The following NOSTRIN variants were observed in gnomAD, a reference collection of about 807,000 sequenced individuals.
NOSTRIN encodes the protein BM247 homolog.
A neutral mutation model predicts 59.0 loss-of-function variants in NOSTRIN; 63 were observed. The observed-to-expected ratio is 1.07, with a 90% CI of 0.87 to 1.32. The LOEUF is 1.32. Ranked by LOEUF, NOSTRIN falls within the 40% of genes most tolerant of loss-of-function variation. The probability of loss-of-function intolerance (pLI) is 0.00; values close to 1 mark genes in which losing one functional copy is unlikely to be tolerated. For missense variants in NOSTRIN, 512 were observed against 473.1 expected (o/e 1.08, Z -0.76); for synonymous variants, 200 against 165.4 (o/e 1.21, Z -1.61).
rs529424492 is a variant in NOSTRIN at position 168,811,605 on chromosome 2, A to G, written c.66A>G (p.Gln22=). 2.3e-6 allele frequency: 2 copies of G among 863,878 alleles called. No homozygotes were observed. The highest frequency in any genetic ancestry group is 4.0e-6 in the Non-Finnish European group (2 of 498,598). The allele number at this position is 863,878 out of a possible 1,614,324, so 53.5% of individuals were successfully genotyped here. A position where few individuals can be genotyped will look rare whatever the true frequency, so the allele number is the denominator to read the frequency against. The change falls in exon 2 of 16, where the codon CAA becomes CAG. Residue 22 remains glutamine, a synonymous_variant. Transcript: ENST00000317647. The part of the protein sequence containing the change: ...KVYKNLKEFS[Q]NGENFCKQVT... Reference sequence around the variant, plus strand: ...ACAAGAACCTAAAGGAGTTTTCTCAAAATGGAGAGAATTTCTGCAAACAGG... The same window carrying G: ...ACAAGAACCTAAAGGAGTTTTCTCAGAATGGAGAGAATTTCTGCAAACAGG...
chr2:168,847,687 C>G (rs1010262278), intron 8 of NOSTRIN, among the ~76,000 whole-genome samples: 1 of 152,174 alleles, frequency 6.6e-6, no homozygotes, highest in African/African-American at 2.4e-5. Context: ...AACTCCTTGA[C>G]CACACTTTGT....
chr2:168,863,437 C>CAAAG, intron 15 of NOSTRIN: 5 of 985,056 alleles, frequency 5.1e-6, no homozygotes, highest in African/African-American at 1.7e-5. Context: ...AGAATGATGC[C>CAAAG]AAATAAAAAG....
intron 12 of NOSTRIN, among the ~76,000 whole-genome samples, chr2:168,857,637 T>C (rs533615136): frequency 6.6e-6 from 1 of 152,364 alleles, no homozygotes; most frequent in South Asian, 2.1e-4. Context: ...AATGAACAGA[T>C]ATATAGCACC....
At chr2:168,798,993 G>C (rs1280402747), upstream of NOSTRIN, among the ~76,000 whole-genome samples, 1 of 152,114 alleles carries the variant, frequency 6.6e-6, no homozygotes, top group Non-Finnish European at 1.5e-5. Context: ...TCATGTAAAG[G>C]CATCTTGTTC....
intron 12 of NOSTRIN, 46 bp from the exon 13 acceptor site, chr2:168,859,466 T>C (rs1307830384): frequency 3.1e-6 from 5 of 1,607,494 alleles, no homozygotes; most frequent in Admixed American, 3.4e-5. Flanking sequence ...CAGTTGTGCC[T>C]CATTTACTAG....
chr2:168,791,612 T>C lies in NOSTRIN; in HGVS notation c.-473+3564T>C, dbSNP rs1685355665. Among the ~76,000 whole-genome samples, 5 of 152,150 alleles carry C rather than the reference T, an allele frequency of 3.3e-5. No individual in the cohort carries two copies. The South Asian group carries it at 1.0e-3, about 32-fold the overall frequency. On this transcript the variant is annotated intron_variant, in intron 2 of 20. Coordinates refer to the NOSTRIN transcript ENST00000458381. ...AACTAGTTTACAGTCCCACCAACAG[T>C]GTAAAAGTGTTCCTATTTCTCCACA...
At chr2:168,859,072 C>G (rs2105785318) in intron 12 of NOSTRIN, 1 of 153,896 alleles carries the variant, frequency 6.5e-6, no homozygotes, top group East Asian at 1.9e-4. Flanking sequence ...AAAGAACAAA[C>G]AAACCTCACA....
At chr2:168,839,513 A>C (rs1161487828) in intron 7 of NOSTRIN, among the ~76,000 whole-genome samples, 1 of 152,166 alleles carries the variant, frequency 6.6e-6, no homozygotes, top group Non-Finnish European at 1.5e-5. Context: ...CTGGTGAATA[A>C]ATGAATGCGA....
At chr2:168,841,253 A>G (rs1308538188) in intron 7 of NOSTRIN, among the ~76,000 whole-genome samples, 3 of 137,428 alleles carry the variant, frequency 2.2e-5, no homozygotes, top group African/African-American at 8.8e-5. Context: ...AAAAAAAAAA[A>G]AAAAAAAAGA....
chr2:168,802,419 T>A, upstream of NOSTRIN: 1 of 503,334 alleles, frequency 2.0e-6, no homozygotes, highest in South Asian at 2.1e-5. Context: ...ACAGAAGTCA[T>A]TCTCACTATC....
chr2:168,837,092 G>A (rs1481032164), intron 7 of NOSTRIN, among the ~76,000 whole-genome samples: 1 of 152,022 alleles, frequency 6.6e-6, no homozygotes, highest in African/African-American at 2.4e-5. Flanking sequence ...TCTTCTATAA[G>A]GGCAGTAATC....
chr2:168,789,774 C>T (rs1251239727), intron 2 of NOSTRIN, among the ~76,000 whole-genome samples: 1 of 152,174 alleles, frequency 6.6e-6, no homozygotes, highest in Non-Finnish European at 1.5e-5. Context: ...GCTGAAACTG[C>T]TTAAAGTAGC....
chr2:168,812,498 A>G (rs1686194889), intron 2 of NOSTRIN, among the ~76,000 whole-genome samples: 1 of 152,198 alleles, frequency 6.6e-6, no homozygotes, highest in Non-Finnish European at 1.5e-5. Flanking sequence ...TTAACAAAAG[A>G]AAAACAAGCA....
At position 168,828,485 on chromosome 2, in the gene NOSTRIN, A is replaced by C; in HGVS notation, c.326A>C (p.Glu109Ala). 1 of 870,722 alleles carries C rather than the reference A, an allele frequency of 1.1e-6. No individual in the cohort carries two copies. Among genetic ancestry groups the C allele is most frequent in the Non-Finnish European group, 2.0e-6 (1 of 501,180 alleles). The allele number at this position is 870,722 out of a possible 1,614,324, so 53.9% of individuals were successfully genotyped here. A position where few individuals can be genotyped will look rare whatever the true frequency, so the allele number is the denominator to read the frequency against. ...ACTTATCAAGTCCTAAATGTACAAG[A>C]GAAGAAGAGAAAATCAGTGAGTCCA... ...KPTYQVLNVQ[E>A]KKRKSLDNEV... Residue 109 changes from glutamate to alanine, a missense_variant, in exon 5 of 16, where the codon GAG (glutamate) becomes GCG (alanine). Coordinates refer to ENST00000317647, the MANE Select transcript of NOSTRIN (RefSeq NM_001039724.4).
chr2:168,845,420 C>T (rs984227673), intron 8 of NOSTRIN, among the ~76,000 whole-genome samples: 1 of 152,232 alleles, frequency 6.6e-6, no homozygotes, highest in Non-Finnish European at 1.5e-5. Flanking sequence ...TCTCTATCCT[C>T]ATCACCCTTC....
At chr2:168,861,130 C>T (rs1224112690) in intron 14 of NOSTRIN, among the ~76,000 whole-genome samples, 1 of 152,186 alleles carries the variant, frequency 6.6e-6, no homozygotes, top group East Asian at 1.9e-4. Context: ...GAAGTTGCCT[C>T]AGATATCAGA....
At chr2:168,818,600 G>A (rs182902456) in intron 2 of NOSTRIN, among the ~76,000 whole-genome samples, 50 of 152,062 alleles carry the variant, frequency 3.3e-4, no homozygotes, top group African/African-American at 1.1e-3. Flanking sequence ...TTTAATTAGC[G>A]CTTTATCTAA....
At chr2:168,839,461 T>C (rs1687931568) in intron 7 of NOSTRIN, among the ~76,000 whole-genome samples, 3 of 152,274 alleles carry the variant, frequency 2.0e-5, no homozygotes, top group South Asian at 4.1e-4. Context: ...CCATTTTCTA[T>C]TCCTAAAGCC....
chr2:168,830,536 G>A (rs1234840684), intron 5 of NOSTRIN, among the ~76,000 whole-genome samples: 1 of 152,184 alleles, frequency 6.6e-6, no homozygotes, highest in Non-Finnish European at 1.5e-5. Flanking sequence ...GCATTCGCTA[G>A]ATCTCAGAGT....
Sources: allele counts gnomAD v4.1 joint callset (sites outside exome capture counted in the v4.1 genomes callset), GRCh38; gene constraint gnomAD v4.1.1; transcripts MANE v1.5; gene names NCBI Gene and HGNC (gene_info 2026-07-23, HGNC 2026-07-21).